The following LRRIQ3 variants were observed in gnomAD, a reference collection of about 807,000 sequenced individuals.
LRRIQ3 encodes the protein leucine-rich repeat and IQ domain-containing protein 3.
A neutral mutation model predicts 59.3 loss-of-function variants in LRRIQ3; 75 were observed. The ratio of observed to expected loss-of-function variants is 1.26; its 90% confidence interval spans 1.05 to 1.53. The LOEUF is 1.53. Among genes scored for constraint, LRRIQ3 ranks in the 40% most tolerant of loss-of-function variants. The pLI is 0.00. For synonymous variants in LRRIQ3, 250 were observed against 231.3 expected (o/e 1.08, Z -0.73); for missense variants, 831 against 710.0 (o/e 1.17, Z -1.94).
chr1:74,040,170 C>G (rs1433890728), intron 7 of LRRIQ3, among the ~76,000 whole-genome samples: 1 of 152,036 alleles, frequency 6.6e-6, no homozygotes, highest in African/African-American at 2.4e-5. Context: ...GACTTTAAAC[C>G]AACAAAAATC....
Position 74,173,636 on chromosome 1 carries a change from A to G in LRRIQ3, c.573+8902T>C, listed in dbSNP as rs1287449673. On this transcript the variant is annotated intron_variant, in intron 3 of 7. Transcript: ENST00000354431. ...TTCTGCACTTTTACTGTCCCCTCCC[A>G]TATTTTGTCACTGATATCATACTTT... Among the ~76,000 whole-genome samples, 4 of 151,958 alleles carry G rather than the reference A, an allele frequency of 2.6e-5. No individual in the cohort carries two copies. In the East Asian group the frequency reaches 7.7e-4, roughly 29 times the overall value.
intron 5 of LRRIQ3, among the ~76,000 whole-genome samples, chr1:74,092,400 T>A (rs1212308602): frequency 6.6e-6 from 1 of 151,966 alleles, no homozygotes. Context: ...ATGGTACAGA[T>A]GAAAGAAATG....
At chr1:74,071,234 A>G (rs566489297) in intron 6 of LRRIQ3, among the ~76,000 whole-genome samples, 1 of 152,108 alleles carries the variant, frequency 6.6e-6, no homozygotes, top group South Asian at 2.1e-4. Flanking sequence ...GTGCAATAGC[A>G]TGATCATAGC....
chr1:74,133,546 G>C (rs1250808634), intron 4 of LRRIQ3, among the ~76,000 whole-genome samples: 1 of 152,076 alleles, frequency 6.6e-6, no homozygotes, highest in Non-Finnish European at 1.5e-5. Flanking sequence ...AAAATGATGA[G>C]TTCATGTCCT....
At chr1:74,033,633 A>G (rs573194161) in intron 7 of LRRIQ3, among the ~76,000 whole-genome samples, 1 of 152,136 alleles carries the variant, frequency 6.6e-6, no homozygotes, top group South Asian at 2.1e-4. Flanking sequence ...TTGGTGTCCA[A>G]AAATGTTGAT....
rs190540672 is a variant in LRRIQ3 at position 74,124,715 on chromosome 1, T to C, written c.708-15162A>G. 2.4e-4 allele frequency among the ~76,000 whole-genome samples: 36 copies of C among 152,132 alleles called. No homozygotes were observed. In the East Asian group the frequency reaches 6.4e-3, roughly 27 times the overall value. On this transcript the variant is annotated intron_variant, in intron 4 of 7. Coordinates refer to ENST00000354431, the MANE Select transcript of LRRIQ3 (RefSeq NM_001105659.2). ...AGTTCTCTATTCTATTCCATTGTTC[T>C]ATATGTCTGTTTTTAGAACAGTCCT... is the stretch of plus-strand genomic sequence containing the variant.
Position 74,084,133 on chromosome 1 carries a change from C to A in LRRIQ3, c.868-9343G>T, listed in dbSNP as rs764419148. ...ATCCTGTTGTCCAATGAATGATGTG[C>A]ATAATTCCTTTTGGCACTGATGAGA... On this transcript the variant is annotated intron_variant, in intron 5 of 7. Transcript: ENST00000354431. 426 of 1,537,574 alleles carry A rather than the reference C, an allele frequency of 2.8e-4. 1 individual carries two copies. Among genetic ancestry groups the A allele is most frequent in the Non-Finnish European group, 3.6e-4 (408 of 1,139,532 alleles).
chr1:74,162,112 T>A (rs1648695767), intron 3 of LRRIQ3, among the ~76,000 whole-genome samples: 1 of 151,890 alleles, frequency 6.6e-6, no homozygotes, highest in Non-Finnish European at 1.5e-5. Context: ...CACTGGGTTG[T>A]TGTGAGGTTT....
At chr1:74,092,525 A>T (rs1275395040) in intron 5 of LRRIQ3, among the ~76,000 whole-genome samples, 2 of 152,114 alleles carry the variant, frequency 1.3e-5, no homozygotes, top group African/African-American at 4.8e-5. Context: ...AAACATTTTC[A>T]CTTTGGAAGG....
intron 3 of LRRIQ3, chr1:74,180,658 CTG>C (rs909034018): frequency 1.1e-5 from 16 of 1,487,888 alleles, no homozygotes; most frequent in African/African-American, 1.4e-5. Flanking sequence ...AATCTCTGCA[CTG>C]TCTGTCATTT....
rs943339313 is a variant in LRRIQ3 at position 74,183,636 on chromosome 1, T to C, written c.49A>G (p.Ser17Gly). The C allele has an allele frequency of 1.2e-6, 2 of 1,610,806 alleles. No individual in the cohort carries two copies. The highest frequency in any genetic ancestry group is 2.7e-5 in the African/African-American group (2 of 74,792). ...TEELTSHEEW[S>G]HYNENIREGQ... The stretch of plus-strand genomic sequence containing the variant: ...TCTCTTATGTTTTCATTATAGTGAC[T>C]CCATTCTTCATGACTGGTTAGCTCT... The change falls in exon 2 of 8, where the codon AGT becomes GGT. Residue 17 changes from serine (S) to glycine (G), a missense_variant. Physicochemically the swap from Ser to Gly is moderately conservative, Grantham distance 56. Transcript: ENST00000354431.
intron 4 of LRRIQ3, among the ~76,000 whole-genome samples, chr1:74,137,664 T>C (rs952385866): frequency 2.6e-5 from 4 of 152,048 alleles, no homozygotes; most frequent in Admixed American, 2.6e-4. Context: ...TGCAGCACTG[T>C]TCACAATAGC....
intron 6 of LRRIQ3, among the ~76,000 whole-genome samples, chr1:74,049,073 A>G (rs1654286616): frequency 6.6e-6 from 1 of 152,164 alleles, no homozygotes; most frequent in African/African-American, 2.4e-5. Context: ...GATAAGTAAG[A>G]ACAAGCAAGG....
intron 4 of LRRIQ3, among the ~76,000 whole-genome samples, chr1:74,116,215 A>G (rs1646774624): frequency 6.6e-6 from 1 of 152,066 alleles, no homozygotes; most frequent in African/African-American, 2.4e-5. Flanking sequence ...AATAAAAAAT[A>G]AAAATCCATA....
chr1:74,188,243 A>ACAG (rs771313887), intron 1 of LRRIQ3, among the ~76,000 whole-genome samples: 71 of 152,266 alleles, frequency 4.7e-4, no homozygotes, highest in Non-Finnish European at 9.1e-4. Context: ...CATAAAGGGG[A>ACAG]ACAACACACT....
In LRRIQ3 at chr1:74,146,094, A is replaced by G. The variant is rs918048344; in HGVS notation, c.707+9639T>C. On this transcript the variant is annotated intron_variant, in intron 4 of 7. Transcript: ENST00000354431. ...GTACAGATTTGTGGCCTAGGCTACA[A>G]ATACGCTATACCACCTAAGTTTGTC... 3.3e-5 allele frequency among the ~76,000 whole-genome samples: 5 copies of G among 152,220 alleles called. No individual in the cohort carries two copies. In the South Asian group the frequency reaches 1.0e-3, roughly 32 times the overall value.
At chr1:74,058,456 A>G (rs1654603044) in intron 6 of LRRIQ3, among the ~76,000 whole-genome samples, 1 of 152,150 alleles carries the variant, frequency 6.6e-6, no homozygotes, top group Non-Finnish European at 1.5e-5. Flanking sequence ...ATTAAGTGAT[A>G]TAAGCCAGGT....
At chr1:74,084,084 G>C in intron 5 of LRRIQ3, 1 of 1,261,454 alleles carries the variant, frequency 7.9e-7, no homozygotes, top group Non-Finnish European at 1.1e-6. Context: ...GATATCCCTA[G>C]TGTCCAATCA....
At chr1:74,077,866 C>T (rs1646227714) in intron 5 of LRRIQ3, among the ~76,000 whole-genome samples, 1 of 151,840 alleles carries the variant, frequency 6.6e-6, no homozygotes, top group South Asian at 2.1e-4. Context: ...GATCTTTGAG[C>T]TCATAGAGAA....
Sources: gnomAD v4.1 joint callset for allele counts (sites outside exome capture counted in the v4.1 genomes callset) on GRCh38, gnomAD v4.1.1 for gene constraint, MANE v1.5 for transcripts, NCBI Gene and HGNC (gene_info 2026-07-23, HGNC 2026-07-21) for gene names.